ZDHHC18: variants seen among roughly 807,000 people sequenced by gnomAD.
ZDHHC18 encodes the protein palmitoyltransferase ZDHHC18.
In ZDHHC18, 23 loss-of-function variants were observed where a neutral mutation model predicts 37.5. The observed-to-expected ratio is 0.61, with a 90% confidence interval of 0.44 to 0.87. The LOEUF is 0.87. Among genes scored for constraint, ZDHHC18 ranks in the 40% least tolerant of loss-of-function variants. ZDHHC18 has a pLI of 0.00. For missense variants in ZDHHC18, 406 were observed against 525.6 expected, an observed-to-expected ratio of 0.77 and a Z score of 2.22; for synonymous variants, 185 against 218.7, an observed-to-expected ratio of 0.85 and a Z score of 1.36.
chr1:26,828,655 TC>T (rs560924534), intron 1 of ZDHHC18, among the ~76,000 whole-genome samples: 58 of 152,022 alleles, frequency 3.8e-4, no homozygotes, highest in Non-Finnish European at 7.4e-4. Context: ...GGTGAAGACT[TC>T]CTATAAATTA....
intron 2 of ZDHHC18, among the ~76,000 whole-genome samples, chr1:26,848,242 G>T (rs370991554): frequency 6.6e-6 from 1 of 152,036 alleles, no homozygotes; most frequent in African/African-American, 2.4e-5. Flanking sequence ...AACCTGCGAG[G>T]TGGAGGTTGC....
Position 26,852,874 on chromosome 1 carries a change from G to C in ZDHHC18, c.1049+9G>C. ...GGCCCCCTACCTCCCAGGTAAGTGA[G>C]CGGGGTGCGGAAGAGGGGTAACAGG... On this transcript the variant is annotated intron_variant, in intron 7 of 7. Transcript: ENST00000374142. The C allele has an allele frequency of 6.2e-7, 1 of 1,613,370 alleles. No homozygotes were observed. Among genetic ancestry groups the C allele is most frequent in the Non-Finnish European group, 8.5e-7 (1 of 1,179,430 alleles).
intron 2 of ZDHHC18, among the ~76,000 whole-genome samples, chr1:26,843,858 T>C (rs1448259928): frequency 6.6e-6 from 1 of 152,150 alleles, no homozygotes; most frequent in Non-Finnish European, 1.5e-5. Context: ...TGTACACATG[T>C]AATCAGCACT....
chr1:26,849,894 C>T (rs1426745603), intron 3 of ZDHHC18, among the ~76,000 whole-genome samples: 3 of 152,170 alleles, frequency 2.0e-5, no homozygotes, highest in African/African-American at 7.2e-5. Flanking sequence ...CAGCCCCCCT[C>T]GCCCATGGAG....
chr1:26,834,790 C>T (rs2081603807), intron 2 of ZDHHC18, among the ~76,000 whole-genome samples: 1 of 152,232 alleles, frequency 6.6e-6, no homozygotes, highest in Admixed American at 6.5e-5. Flanking sequence ...AGGACATCTC[C>T]CAGTTGGGCA....
At chr1:26,853,650 ACT>A in intron 7 of ZDHHC18, 74 bp from the exon 8 acceptor site, 1 of 1,374,410 alleles carries the variant, frequency 7.3e-7, no homozygotes. Context: ...GCTGAGATAG[ACT>A]CTGCCGTCCA....
Position 26,856,503 on chromosome 1 carries a change from G to A in ZDHHC18, c.*2660G>A. ...TGAGGAAGTAGCTTCTCGCAGAGCAGCTCTCCAGCTGGAAGAGGAGGTGGA... is the reference window on the plus strand; with the variant it reads ...TGAGGAAGTAGCTTCTCGCAGAGCAACTCTCCAGCTGGAAGAGGAGGTGGA... On this transcript the variant is annotated 3_prime_UTR_variant, in exon 8 of 8. Transcript: ENST00000374142. This position sits in a 1 kb window ranked among gnomAD's most constrained non-coding sequence, Gnocchi z 5.2. 1 of 222,980 alleles carries A rather than the reference G, an allele frequency of 4.5e-6. No homozygotes were observed. Among genetic ancestry groups the A allele is most frequent in the Non-Finnish European group, 9.8e-6 (1 of 101,666 alleles). The allele number at this position is 222,980 out of a possible 1,614,324, so 13.8% of individuals were successfully genotyped here.
At chr1:26,848,470 C>T (rs1278872909) in intron 2 of ZDHHC18, 138 bp from the exon 3 acceptor site, 1 of 1,150,964 alleles carries the variant, frequency 8.7e-7, no homozygotes, top group South Asian at 1.4e-5. Flanking sequence ...AGACATTTTA[C>T]TCCAATGTTT....
rs1233342256 is a variant in ZDHHC18 at position 26,846,272 on chromosome 1, A to ATGTGTG, written c.497-2322_497-2317dup. Among the ~76,000 whole-genome samples the ATGTGTG allele has an allele frequency of 3.3e-3, 284 of 84,950 alleles. 4 individuals carry two copies. The highest frequency in any genetic ancestry group is 0.013 in the African/African-American group (262 of 20,394). The allele number at this position is 84,950 out of a possible 152,430, so 55.7% of individuals were successfully genotyped here. A position where few individuals can be genotyped will look rare whatever the true frequency, so the allele number is the denominator to read the frequency against. On this transcript the variant is annotated intron_variant, in intron 2 of 7. Coordinates refer to ENST00000374142, the MANE Select transcript of ZDHHC18 (RefSeq NM_032283.3). ...TAGATATATATCTCTATAGAGATAT[A>ATGTGTG]TGTGTGTGTGTGTGTGTGTATATAT...
At chr1:26,834,836 G>A (rs1449925605) in intron 2 of ZDHHC18, among the ~76,000 whole-genome samples, 1 of 152,248 alleles carries the variant, frequency 6.6e-6, no homozygotes, top group Non-Finnish European at 1.5e-5. Flanking sequence ...AATTCTATAT[G>A]CTGACCCCTG....
chr1:26,829,206 C>G (rs1004084463), intron 1 of ZDHHC18, among the ~76,000 whole-genome samples: 3 of 152,126 alleles, frequency 2.0e-5, no homozygotes, highest in Non-Finnish European at 4.4e-5. Flanking sequence ...GTAAGGTGCT[C>G]TCTAAGCCTT....
chr1:26,846,241 GAT>G (rs2081664397), intron 2 of ZDHHC18, among the ~76,000 whole-genome samples: 1 of 19,556 alleles, frequency 5.1e-5, no homozygotes, highest in Non-Finnish European at 9.0e-5. Context: ...TAGAGAGAGA[GAT>G]ATATAGATAT....
In ZDHHC18 at chr1:26,826,879, C is replaced by G; in HGVS notation, c.75C>G (p.Pro25=). 1 of 980,276 alleles carries G rather than the reference C, an allele frequency of 1.0e-6. No individual in the cohort carries two copies. Among genetic ancestry groups the G allele is most frequent in the Non-Finnish European group, 1.2e-6 (1 of 828,038 alleles). 60.7% of individuals were successfully genotyped at this position (980,276 alleles called of 1,614,324 possible). Residue 25 remains proline (P), a synonymous_variant, in exon 1 of 8, where the codon CCC becomes CCG. Transcript: ENST00000374142. This position sits in a 1 kb window ranked among gnomAD's most constrained non-coding sequence, Gnocchi z 5.2. ...PLPASPGARR[P]GPAASPTPGP... ...CCGCCTCCCCGGGGGCGCGCCGTCC[C>G]GGCCCCGCCGCGTCCCCGACTCCGG...
rs772905167 is a variant in ZDHHC18 at position 26,852,835 on chromosome 1, G to C, written c.1019G>C (p.Cys340Ser). Reference protein sequence around the residue: ...YSHKSIITNCCAVLCGPLPPS... With the variant: ...YSHKSIITNCSAVLCGPLPPS... Reference sequence around the variant, plus strand: ...CATAAAAGTATTATCACCAACTGCTGTGCTGTGCTCTGTGGCCCCCTACCT... The same window carrying C: ...CATAAAAGTATTATCACCAACTGCTCTGCTGTGCTCTGTGGCCCCCTACCT... The change falls in exon 7 of 8, where the codon TGT (cysteine) becomes TCT (serine). Residue 340 changes from cysteine to serine, a missense_variant. Cys to Ser is a moderately radical substitution (Grantham distance 112). Transcript: ENST00000374142. The C allele has an allele frequency of 1.2e-6, 2 of 1,614,062 alleles. No individual in the cohort carries two copies. The highest frequency in any genetic ancestry group is 1.7e-6 in the Non-Finnish European group (2 of 1,179,962).
At chr1:26,833,063 C>A (rs2081595307) in intron 2 of ZDHHC18, among the ~76,000 whole-genome samples, 1 of 152,210 alleles carries the variant, frequency 6.6e-6, no homozygotes, top group Non-Finnish European at 1.5e-5. Flanking sequence ...TACACTTATT[C>A]ATTCACTCAT....
Position 26,848,465 on chromosome 1 carries a change from T to C in ZDHHC18, c.497-143T>C, listed in dbSNP as rs113993834. 2.4e-3 allele frequency: 2,711 copies of C among 1,117,590 alleles called. 39 individuals carry two copies. The African/African-American group carries it at 0.036, about 15-fold the overall frequency. The allele number at this position is 1,117,590 out of a possible 1,614,324, so 69.2% of individuals were successfully genotyped here. A position where few individuals can be genotyped will look rare whatever the true frequency, so the allele number is the denominator to read the frequency against. On this transcript the variant is annotated intron_variant, in intron 2 of 7. Transcript: ENST00000374142. ...ATTTGTCCCTGCCTTAGGCCAGACA[T>C]TTTACTCCAATGTTTGTTCCTGGGA...
chr1:26,832,653 A>C, intron 2 of ZDHHC18, 46 bp downstream of exon 2: 1 of 1,597,740 alleles, frequency 6.3e-7, no homozygotes, highest in Non-Finnish European at 8.6e-7. Context: ...ATAGCTCCAC[A>C]TTCCCTGACT....
At position 26,846,290 on chromosome 1, in the gene ZDHHC18, G is replaced by GTATATA. The variant is rs1557644428; in HGVS notation, c.497-2302_497-2297dup. The stretch of plus-strand genomic sequence containing the variant: ...GAGATATATGTGTGTGTGTGTGTGT[G>GTATATA]TATATATATATATATATATATTTTT... On this transcript the variant is annotated intron_variant, in intron 2 of 7. Transcript: ENST00000374142. Among the ~76,000 whole-genome samples, 444 of 47,838 alleles carry GTATATA rather than the reference G, an allele frequency of 9.3e-3. 2 individuals are homozygous for GTATATA. Among genetic ancestry groups the GTATATA allele is most frequent in the Admixed American group, 0.012 (26 of 2,226 alleles). 31.4% of individuals were successfully genotyped at this position (47,838 alleles called of 152,430 possible).
At chr1:26,846,610 C>T (rs551527764) in intron 2 of ZDHHC18, among the ~76,000 whole-genome samples, 29 of 151,696 alleles carry the variant, frequency 1.9e-4, no homozygotes, top group Middle Eastern at 3.4e-3. Flanking sequence ...CGTGAGCCAC[C>T]ATGCCCAGCC....
Sources: allele counts gnomAD v4.1 joint callset (sites outside exome capture counted in the v4.1 genomes callset), GRCh38; gene constraint gnomAD v4.1.1; non-coding constraint Gnocchi (gnomAD v3.1); transcripts MANE v1.5; gene names NCBI Gene and HGNC (gene_info 2026-07-23, HGNC 2026-07-21).